NFXL1: variants seen among roughly 807,000 people sequenced by gnomAD.
The protein encoded by NFXL1 is nuclear transcription factor, X-box binding like 1.
NFXL1 carries 66 observed loss-of-function variants against 123.3 expected under a neutral mutation model. The ratio of observed to expected loss-of-function variants is 0.54; its 90% CI spans 0.44 to 0.66. The LOEUF (loss-of-function observed/expected upper bound fraction) is 0.66, where lower values mean the gene tolerates loss of function less well. Among genes scored for constraint, NFXL1 ranks in the 30% least tolerant of loss-of-function variants. NFXL1 has a pLI of 0.00. For missense variants in NFXL1, 944 were observed against 1,125.6 expected, an observed-to-expected ratio of 0.84 and a Z score of 2.31; for synonymous variants, 346 against 360.8, an observed-to-expected ratio of 0.96 and a Z score of 0.46.
chr4:47,874,271 T>C (rs996828331), intron 18 of NFXL1, among the ~76,000 whole-genome samples: 1 of 152,218 alleles, frequency 6.6e-6, no homozygotes, highest in Non-Finnish European at 1.5e-5. Flanking sequence ...ACCTAACTTT[T>C]AGCCTATCTC....
In NFXL1 at chr4:47,914,215, A is replaced by G; in HGVS notation, c.-2-10T>C. 7.1e-7 allele frequency: 1 copy of G among 1,416,518 alleles called. No individual in the cohort carries two copies. The highest frequency in any genetic ancestry group is 1.4e-5 in the South Asian group (1 of 69,030). The allele number at this position is 1,416,518 out of a possible 1,614,324, so 87.7% of individuals were successfully genotyped here. ...CAGGAAGCTTCCATCCCTGCAAAGG[A>G]GAAAAAAAAAAAAAAGAGTGGAAGG... On this transcript the variant is annotated splice_polypyrimidine_tract_variant and intron_variant, in intron 1 of 22. Coordinates refer to ENST00000507489, the MANE Select transcript of NFXL1 (RefSeq NM_001278624.2).
Position 47,851,138 on chromosome 4 carries a change from G to C in NFXL1, c.2519C>G (p.Ala840Gly), listed in dbSNP as rs745653924. ...MKRKASEIKE[A>G]EAKAALEEEK... ...TTCTTCAAGAGCAGCTTTGGCTTCT[G>C]CTTCTTTTATCTGTTTATACACATA... The change falls in exon 22 of 23, where the codon GCA (alanine) becomes GGA (glycine). Residue 840 changes from alanine (A) to glycine (G), a missense_variant. Physicochemically the swap from Ala to Gly is moderately conservative, Grantham distance 60. Transcript: ENST00000507489. 1.9e-6 allele frequency: 3 copies of C among 1,610,608 alleles called. No individual in the cohort carries two copies. The Admixed American group carries it at 5.0e-5, about 27-fold the overall frequency.
intron 18 of NFXL1, among the ~76,000 whole-genome samples, chr4:47,869,406 C>A (rs184810867): frequency 2.1e-3 from 314 of 152,192 alleles, no homozygotes; most frequent in African/African-American, 7.2e-3. Flanking sequence ...AAATTGATCA[C>A]CTTATTTTAC....
intron 18 of NFXL1, among the ~76,000 whole-genome samples, chr4:47,865,076 G>A (rs1734971925): frequency 6.6e-6 from 1 of 152,168 alleles, no homozygotes; most frequent in Non-Finnish European, 1.5e-5. Context: ...CCCAGCTGGT[G>A]CCTGCTACAG....
chr4:47,851,239 C>G (rs1734101574), intron 21 of NFXL1, 91 bp from the exon 22 acceptor site: 1 of 873,236 alleles, frequency 1.1e-6, no homozygotes, highest in African/African-American at 1.7e-5. Flanking sequence ...TCTATTAACC[C>G]ATATCAACTT....
chr4:47,912,087 G>C (rs1737853723), intron 2 of NFXL1, among the ~76,000 whole-genome samples: 1 of 152,136 alleles, frequency 6.6e-6, no homozygotes, highest in African/African-American at 2.4e-5. Flanking sequence ...ATTGCAGCCA[G>C]TTTGGTTAGG....
intron 18 of NFXL1, among the ~76,000 whole-genome samples, chr4:47,874,311 T>C (rs1468151032): frequency 1.3e-5 from 2 of 152,226 alleles, no homozygotes; most frequent in Admixed American, 6.5e-5. Flanking sequence ...CTAAGCTTAA[T>C]CATTTCTAGC....
chr4:47,890,916 T>C (rs953085257), intron 11 of NFXL1, among the ~76,000 whole-genome samples: 6 of 152,142 alleles, frequency 3.9e-5, no homozygotes, highest in Admixed American at 6.6e-5. Flanking sequence ...TTTTCCTGAC[T>C]TTCAGTTAAT....
intron 12 of NFXL1, among the ~76,000 whole-genome samples, chr4:47,886,933 T>C (rs1233133815): frequency 2.0e-5 from 3 of 152,198 alleles, no homozygotes; most frequent in East Asian, 3.8e-4. Flanking sequence ...TATTGGTTAG[T>C]AGCAAGCACA....
At chr4:47,887,419 A>T (rs1736502535) in intron 12 of NFXL1, among the ~76,000 whole-genome samples, 1 of 152,234 alleles carries the variant, frequency 6.6e-6, no homozygotes, top group African/African-American at 2.4e-5. Flanking sequence ...ATTATAATTC[A>T]AATAATGAAC....
intron 20 of NFXL1, among the ~76,000 whole-genome samples, chr4:47,854,078 T>A (rs1349788814): frequency 6.6e-6 from 1 of 151,952 alleles, no homozygotes; most frequent in African/African-American, 2.4e-5. Flanking sequence ...GTACAGGGGG[T>A]CAATTTAAAT....
At position 47,890,651 on chromosome 4, in the gene NFXL1, C is replaced by A. The variant is rs1359029574; in HGVS notation, c.1505G>T (p.Gly502Val). The change falls in exon 12 of 23, where the codon GGA becomes GTA. Residue 502 changes from glycine to valine, a missense_variant. By Grantham distance (109) the Gly-to-Val change is moderately radical. This residue lies in a region of NFXL1 where 296 missense variants were observed against 395.1 expected (regional missense o/e 0.75). Coordinates refer to ENST00000507489, the MANE Select transcript of NFXL1 (RefSeq NM_001278624.2). The stretch of plus-strand genomic sequence containing the variant: ...AGATGGACACTTATGGTTTCTACAT[C>A]CTAAAGTCCGTCCACAGTTTTGATC... ...PCDQNCGRTLGCRNHKCPSVC... is the reference protein window; with the variant it reads ...PCDQNCGRTLVCRNHKCPSVC... The A allele has an allele frequency of 6.2e-7, 1 of 1,610,480 alleles. No individual in the cohort carries two copies. The highest frequency in any genetic ancestry group is 1.3e-5 in the African/African-American group (1 of 74,788).
chr4:47,879,105 C>A lies in NFXL1; in HGVS notation c.1929G>T (p.Gly643=). 1 of 1,381,744 alleles carries A rather than the reference C, an allele frequency of 7.2e-7. No individual in the cohort carries two copies. Among genetic ancestry groups the A allele is most frequent in the Non-Finnish European group, 9.7e-7 (1 of 1,025,854 alleles). 85.6% of individuals were successfully genotyped at this position (1,381,744 alleles called of 1,614,324 possible). A position where few individuals can be genotyped will look rare whatever the true frequency, so the allele number is the denominator to read the frequency against. The change falls in exon 16 of 23, where the codon GGG becomes GGT. Residue 643 remains glycine, a synonymous_variant. Coordinates refer to ENST00000507489, the MANE Select transcript of NFXL1 (RefSeq NM_001278624.2). The part of the protein sequence containing the change: ...CQVPIPMECL[G]KHEVSPLPCH... The stretch of plus-strand genomic sequence containing the variant: ...TGTGCCTGTAACTTACCTCATGTTT[C>A]CCAAGACATTCCCTACAAGGAAAAA...
intron 15 of NFXL1, among the ~76,000 whole-genome samples, chr4:47,882,666 A>T (rs1446427106): frequency 2.6e-5 from 4 of 152,230 alleles, no homozygotes; most frequent in African/African-American, 9.6e-5. Flanking sequence ...TTCTTAAACA[A>T]AATGTTCTTT....
intron 2 of NFXL1, among the ~76,000 whole-genome samples, chr4:47,912,212 C>A (rs774373479): frequency 1.3e-5 from 2 of 152,088 alleles, no homozygotes; most frequent in Non-Finnish European, 2.9e-5. Context: ...AGATATATAA[C>A]TCAAAACTTG....
chr4:47,856,893 T>G (rs1410711450), intron 19 of NFXL1, among the ~76,000 whole-genome samples: 1 of 152,162 alleles, frequency 6.6e-6, no homozygotes, highest in Non-Finnish European at 1.5e-5. Flanking sequence ...TTTCAAGCCT[T>G]TGTATTGCTT....
chr4:47,851,188 A>G (rs768035495), intron 21 of NFXL1, 40 bp from the exon 22 acceptor site: 36 of 1,434,850 alleles, frequency 2.5e-5, no homozygotes, highest in Non-Finnish European at 3.5e-5. Flanking sequence ...CAATTTAGTC[A>G]TCACATTTTA....
chr4:47,854,111 T>G (rs1225606503), intron 20 of NFXL1, among the ~76,000 whole-genome samples: 1 of 152,010 alleles, frequency 6.6e-6, no homozygotes, highest in Non-Finnish European at 1.5e-5. Context: ...AAGATTCCAC[T>G]CCCTAAAAGG....
intron 18 of NFXL1, among the ~76,000 whole-genome samples, chr4:47,865,501 A>AAAG (rs869047257): frequency 1.6e-5 from 1 of 62,990 alleles, no homozygotes; most frequent in African/African-American, 6.1e-5. Context: ...AAAAAAAAAA[A>AAAG]CAACTCCTGA....
Sources: gnomAD v4.1 joint callset for allele counts (sites outside exome capture counted in the v4.1 genomes callset) on GRCh38, gnomAD v4.1.1 for gene constraint, gnomAD v4.1.1 regional missense constraint, MANE v1.5 for transcripts, NCBI Gene and HGNC (gene_info 2026-07-23, HGNC 2026-07-21) for gene names.